GRID2IP: variants seen among roughly 807,000 people sequenced by gnomAD.
The protein encoded by GRID2IP is Grid2 interacting protein.
A neutral mutation model predicts 114.3 loss-of-function variants in GRID2IP; 78 were observed. The ratio of observed to expected loss-of-function variants is 0.68; its 90% CI spans 0.57 to 0.82. The LOEUF (loss-of-function observed/expected upper bound fraction) is 0.82. Ranked by LOEUF, GRID2IP falls within the 40% of genes least tolerant of loss-of-function variation. The pLI, the probability that GRID2IP is intolerant of heterozygous loss-of-function variation, is 0.00. For synonymous variants in GRID2IP, 809 were observed against 724.0 expected (o/e 1.12, Z -1.89); for missense variants, 1,727 against 1,678.5 (o/e 1.03, Z -0.51).
rs1779969987 is a variant in GRID2IP at position 6,551,093 on chromosome 7, C to T, written c.344G>A (p.Arg115His). The T allele has an allele frequency of 7.7e-7, 1 of 1,307,066 alleles. No homozygotes were observed. Among genetic ancestry groups the T allele is most frequent in the Non-Finnish European group, 9.7e-7 (1 of 1,031,906 alleles). The allele number at this position is 1,307,066 out of a possible 1,614,324, so 81.0% of individuals were successfully genotyped here. Residue 115 changes from arginine to histidine, a missense_variant, in exon 1 of 22, where the codon CGT (arginine) becomes CAT (histidine). By Grantham distance (29) the Arg-to-His change is conservative. Coordinates refer to ENST00000457091, the MANE Select transcript of GRID2IP (RefSeq NM_001145118.2). ...PRCGRGLALG[R>H]ELLRLAGRKR... ...GCGGCCGGCCAGGCGAAGCAGCTCA[C>T]GGCCCAGAGCTAGGCCGCGGCCGCA...
intron 4 of GRID2IP, 109 bp from the exon 5 acceptor site, chr7:6,522,066 C>A (rs935610195): frequency 5.7e-6 from 5 of 874,052 alleles, no homozygotes; most frequent in Non-Finnish European, 9.1e-6. Flanking sequence ...AGACCCATAG[C>A]TTGCCGGGCA....
chr7:6,551,448 T>C lies in GRID2IP; in HGVS notation c.-12A>G, dbSNP rs761838085. The C allele has an allele frequency of 6.5e-7, 1 of 1,537,934 alleles. No individual in the cohort carries two copies. The highest frequency in any genetic ancestry group is 1.2e-5 in the South Asian group (1 of 82,590). ...GCAGTGGTGGCCATGCACCTAGAACTGGAGACAGAACAGGGATTTCCTTGC... is the reference window on the plus strand; with the variant it reads ...GCAGTGGTGGCCATGCACCTAGAACCGGAGACAGAACAGGGATTTCCTTGC... On this transcript the variant is annotated 5_prime_UTR_variant, in exon 1 of 22. Transcript: ENST00000457091.
At position 6,502,071 on chromosome 7, in the gene GRID2IP, G is replaced by T. The variant is rs532664459; in HGVS notation, c.3198C>A (p.Ile1066=). 342 of 1,551,276 alleles carry T rather than the reference G, an allele frequency of 2.2e-4. No homozygotes were observed. Among genetic ancestry groups the T allele is most frequent in the Non-Finnish European group, 2.7e-4 (304 of 1,146,920 alleles). Residue 1066 remains isoleucine, a synonymous_variant, in exon 19 of 22, where the codon ATC becomes ATA. Coordinates refer to ENST00000457091, the MANE Select transcript of GRID2IP (RefSeq NM_001145118.2). The part of the protein sequence containing the change: ...TVDGKSTFLH[I]LAKSLSQHFP... ...AGTGCTGGCTCAGCGATTTGGCAAG[G>T]ATGTGCAGGAAGGTGGACTTCCCAT...
rs1779455582 is a variant in GRID2IP, at chr7:6,523,745, A to G, written c.920-1788T>C. ...CTCACTATTGCTCAGACTGGTCTCA[A>G]ACTCCTGGGCTCAAGTGATCTTCCT... is the stretch of plus-strand genomic sequence containing the variant. On this transcript the variant is annotated intron_variant, in intron 4 of 21. Coordinates refer to ENST00000457091, the MANE Select transcript of GRID2IP (RefSeq NM_001145118.2). The surrounding 1 kb of genome is among the most constrained non-coding windows in gnomAD (Gnocchi z 4.5). Among the ~76,000 whole-genome samples the G allele has an allele frequency of 6.6e-6, 1 of 151,898 alleles. No individual in the cohort carries two copies.
chr7:6,511,004 G>T lies in GRID2IP; in HGVS notation c.1459C>A (p.Pro487Thr). 1 of 1,514,162 alleles carries T rather than the reference G, an allele frequency of 6.6e-7. No individual in the cohort carries two copies. The highest frequency in any genetic ancestry group is 8.8e-7 in the Non-Finnish European group (1 of 1,130,662). The allele number at this position is 1,514,162 out of a possible 1,614,324, so 93.8% of individuals were successfully genotyped here. A position where few individuals can be genotyped will look rare whatever the true frequency, so the allele number is the denominator to read the frequency against. Residue 487 changes from proline (P) to threonine (T), a missense_variant, in exon 9 of 22, where the codon CCC becomes ACC. By Grantham distance (38) the Pro-to-Thr change is conservative. Transcript: ENST00000457091. ...CTCCGCGGCTGGGGCTCAGGCGTGG[G>T]CTCGGACTCCAGGTCCAGCTCAGGC... ...PEPELDLESE[P>T]TPEPQPRSSL...
rs1403852298 is a variant in GRID2IP, at chr7:6,507,110, G to T, written c.2544+875C>A. ...TCACAAGCATGCCTCTGCCCAGTGT[G>T]ACTACATGTGAGAGTGAGCTATTGA... On this transcript the variant is annotated intron_variant, in intron 13 of 21. Transcript: ENST00000457091. The surrounding 1 kb of genome is among the most constrained non-coding windows in gnomAD (Gnocchi z 5.3). Among the ~76,000 whole-genome samples, 1 of 152,228 alleles carries T rather than the reference G, an allele frequency of 6.6e-6. No homozygotes were observed.
At chr7:6,511,682 G>GT (rs1351649450) in intron 8 of GRID2IP, among the ~76,000 whole-genome samples, 10 of 151,768 alleles carry the variant, frequency 6.6e-5, no homozygotes, top group Non-Finnish European at 1.3e-4. Flanking sequence ...CAAAATAGAA[G>GT]TTTTTTGAGC....
intron 7 of GRID2IP, 82 bp from the exon 8 acceptor site, chr7:6,514,611 T>G (rs1779256611): frequency 2.3e-6 from 3 of 1,282,720 alleles, no homozygotes; most frequent in Admixed American, 3.0e-5. Flanking sequence ...AAGACGGCAC[T>G]TCCAAGCCAC....
chr7:6,521,929 C>G lies in GRID2IP; in HGVS notation c.948G>C (p.Lys316Asn), dbSNP rs1583344876. 1.9e-6 allele frequency: 3 copies of G among 1,551,562 alleles called. No homozygotes were observed. In the East Asian group the frequency reaches 7.3e-5, roughly 38 times the overall value. Residue 316 changes from lysine (K) to asparagine (N), a missense_variant, in exon 5 of 22, where the codon AAG becomes AAC. Lys to Asn is a moderately conservative substitution (Grantham distance 94). Transcript: ENST00000457091. This position sits in a 1 kb window ranked among gnomAD's most constrained non-coding sequence, Gnocchi z 4.1. ...TGAGGAAGAGGATCCGGTCACCTGA[C>G]TTGAGGGCAGCATTGTCAGCTGGGC... The part of the protein sequence containing the change: ...PGSPADNAAL[K>N]SGDRILFLNG...
chr7:6,538,982 G>C (rs1424154150), intron 2 of GRID2IP, among the ~76,000 whole-genome samples: 1 of 152,176 alleles, frequency 6.6e-6, no homozygotes, highest in Non-Finnish European at 1.5e-5. Context: ...GGAGGTCGAG[G>C]GGGTACTGGA....
chr7:6,531,060 G>A (rs1337398957), intron 2 of GRID2IP: 1 of 639,876 alleles, frequency 1.6e-6, no homozygotes, highest in Non-Finnish European at 2.8e-6. Context: ...ACGCGATGGG[G>A]AAGCTACCGA....
At chr7:6,504,657 G>A (rs1786523753) in intron 15 of GRID2IP, 136 bp downstream of exon 15, 1 of 678,240 alleles carries the variant, frequency 1.5e-6, no homozygotes, top group Non-Finnish European at 2.6e-6. Flanking sequence ...GCCTGGGAGG[G>A]GGCCTTCACC....
chr7:6,530,522 C>T (rs1370642770), intron 2 of GRID2IP, among the ~76,000 whole-genome samples: 65 of 151,288 alleles, frequency 4.3e-4, no homozygotes, highest in Non-Finnish European at 7.5e-4. Context: ...CCCCCACCCC[C>T]CTCGCCCTCC....
intron 1 of GRID2IP, among the ~76,000 whole-genome samples, chr7:6,543,468 C>G (rs1779842923): frequency 6.6e-6 from 1 of 152,014 alleles, no homozygotes; most frequent in African/African-American, 2.4e-5. Context: ...TTCCCAGTCT[C>G]CACCCCTTTC....
intron 1 of GRID2IP, among the ~76,000 whole-genome samples, chr7:6,549,107 C>A (rs765015692): frequency 4.6e-5 from 7 of 152,152 alleles, no homozygotes; most frequent in Admixed American, 2.6e-4. Context: ...GTACTGGGAC[C>A]TAGTCAGTGG....
At position 6,516,634 on chromosome 7, in the gene GRID2IP, C is replaced by T. The variant is rs1329448290; in HGVS notation, c.1269-2105G>A. Among the ~76,000 whole-genome samples, 1 of 152,136 alleles carries T rather than the reference C, an allele frequency of 6.6e-6. No individual in the cohort carries two copies. The highest frequency in any genetic ancestry group is 1.5e-5 in the Non-Finnish European group (1 of 68,036). ...CTCTGCTCCACCACTGCTTGCCCGC[C>T]CGCAGCCACCCAGAGGCCTAACGCT... On this transcript the variant is annotated intron_variant, in intron 7 of 21. Transcript: ENST00000457091. The surrounding 1 kb of genome is among the most constrained non-coding windows in gnomAD (Gnocchi z 4.3).
rs755595859 is a variant in GRID2IP, at chr7:6,506,963, G to A, written c.2544+1022C>T. 3.3e-5 allele frequency among the ~76,000 whole-genome samples: 5 copies of A among 152,084 alleles called. No individual in the cohort carries two copies. The highest frequency in any genetic ancestry group is 1.2e-4 in the African/African-American group (5 of 41,400). ...CTCCCAAAGTGCTGGGATTACAGGC[G>A]TGAACCACCAAGCCTGGCCTCAATG... On this transcript the variant is annotated intron_variant, in intron 13 of 21. Transcript: ENST00000457091. This position sits in a 1 kb window ranked among gnomAD's most constrained non-coding sequence, Gnocchi z 5.2.
intron 1 of GRID2IP, among the ~76,000 whole-genome samples, chr7:6,549,046 T>C (rs1173399751): frequency 6.6e-6 from 1 of 152,100 alleles, no homozygotes; most frequent in Non-Finnish European, 1.5e-5. Context: ...TAGGACCCCA[T>C]CTGAAAGCCC....
At chr7:6,512,612 G>A (rs573791719) in intron 8 of GRID2IP, among the ~76,000 whole-genome samples, 27 of 151,924 alleles carry the variant, frequency 1.8e-4, no homozygotes, top group Non-Finnish European at 3.4e-4. Flanking sequence ...CCAGGTTCAA[G>A]CAATTCTCCT....
Sources: allele counts gnomAD v4.1 joint callset (sites outside exome capture counted in the v4.1 genomes callset), GRCh38; gene constraint gnomAD v4.1.1; non-coding constraint Gnocchi (gnomAD v3.1); transcripts MANE v1.5; gene names NCBI Gene and HGNC (gene_info 2026-07-23, HGNC 2026-07-21).